The following ENPP6 variants were observed in gnomAD, a reference collection of about 807,000 sequenced individuals.
ENPP6 encodes the protein glycerophosphocholine cholinephosphodiesterase ENPP6.
ENPP6 carries 32 observed loss-of-function variants against 42.0 expected under a neutral mutation model. The ratio of observed to expected loss-of-function variants is 0.76; its 90% CI spans 0.58 to 1.02. ENPP6 has a LOEUF of 1.02. Among genes scored for constraint, ENPP6 ranks in the 50% least tolerant of loss-of-function variants. The pLI, the probability that ENPP6 is intolerant of heterozygous loss-of-function variation, is 0.00. For missense variants in ENPP6, 552 were observed against 566.8 expected (o/e 0.97, Z 0.27); for synonymous variants, 213 against 216.0 (o/e 0.99, Z 0.12).
At chr4:184,104,017 C>CT (rs34970688) in intron 6 of ENPP6, among the ~76,000 whole-genome samples, 56,427 of 148,166 alleles carry the variant, frequency 0.38, 10,943 homozygotes, top group Middle Eastern at 0.47. Flanking sequence ...CTTTTCTTTT[C>CT]TTTTCTTTTT....
At chr4:184,214,302 A>G (rs896355784) in intron 1 of ENPP6, among the ~76,000 whole-genome samples, 1 of 152,166 alleles carries the variant, frequency 6.6e-6, no homozygotes, top group African/African-American at 2.4e-5. Flanking sequence ...ATTCATCTTC[A>G]TGATCATGAT....
intron 2 of ENPP6, among the ~76,000 whole-genome samples, chr4:184,143,659 G>A (rs1306498743): frequency 6.6e-6 from 1 of 152,226 alleles, no homozygotes; most frequent in African/African-American, 2.4e-5. Context: ...AATTCTCTGG[G>A]CAATCTGGAA....
intron 1 of ENPP6, among the ~76,000 whole-genome samples, chr4:184,188,447 G>A (rs535185382): frequency 6.6e-6 from 1 of 152,098 alleles, no homozygotes; most frequent in East Asian, 1.9e-4. Context: ...CCAAATTGAC[G>A]ATCTGGGGTC....
At chr4:184,177,800 A>G (rs1446822298) in intron 1 of ENPP6, among the ~76,000 whole-genome samples, 1 of 152,218 alleles carries the variant, frequency 6.6e-6, no homozygotes, top group Non-Finnish European at 1.5e-5. Flanking sequence ...CTGTTAAAAG[A>G]AAAACAGATA....
chr4:184,110,135 T>C (rs1736175157), intron 6 of ENPP6, among the ~76,000 whole-genome samples: 1 of 152,186 alleles, frequency 6.6e-6, no homozygotes, highest in African/African-American at 2.4e-5. Context: ...CCAGTCAGAA[T>C]GGTGCAGAGG....
chr4:184,206,568 T>A (rs955261691), intron 1 of ENPP6, among the ~76,000 whole-genome samples: 3 of 152,146 alleles, frequency 2.0e-5, no homozygotes, highest in African/African-American at 7.2e-5. Context: ...GAAGCTTGAA[T>A]TCTGCAGAAG....
chr4:184,133,651 A>C (rs1172680106), intron 2 of ENPP6, among the ~76,000 whole-genome samples: 2 of 150,634 alleles, frequency 1.3e-5, no homozygotes, highest in African/African-American at 2.4e-5. Flanking sequence ...AGGCACCCTT[A>C]CCATAGTCCT....
intron 2 of ENPP6, among the ~76,000 whole-genome samples, chr4:184,143,992 C>A (rs79923875): frequency 8.5e-5 from 13 of 152,178 alleles, no homozygotes; most frequent in African/African-American, 2.4e-4. Context: ...CCTCTAACAG[C>A]GCCCTGGATC....
At chr4:184,147,991 C>A (rs889272983) in intron 2 of ENPP6, among the ~76,000 whole-genome samples, 2 of 152,138 alleles carry the variant, frequency 1.3e-5, no homozygotes, top group Non-Finnish European at 2.9e-5. Context: ...TTACCCATCC[C>A]CTCGTGTCAC....
At chr4:184,093,910 T>C (rs576859673) in intron 7 of ENPP6, among the ~76,000 whole-genome samples, 1 of 152,262 alleles carries the variant, frequency 6.6e-6, no homozygotes, top group South Asian at 2.1e-4. Flanking sequence ...CATGGGGCCA[T>C]GCCTTGCTGT....
intron 1 of ENPP6, among the ~76,000 whole-genome samples, chr4:184,199,871 C>T (rs879719306): frequency 6.6e-6 from 1 of 152,224 alleles, no homozygotes; most frequent in African/African-American, 2.4e-5. Context: ...TCAGTGGGCC[C>T]TAAGAACCTC....
chr4:184,136,799 A>T (rs1736736383), intron 2 of ENPP6, among the ~76,000 whole-genome samples: 1 of 152,208 alleles, frequency 6.6e-6, no homozygotes, highest in Non-Finnish European at 1.5e-5. Flanking sequence ...TCTGAAATCC[A>T]TGATGCTCTT....
rs146750469 is a variant in ENPP6, at chr4:184,200,472, T to A, written c.241+17107A>T. Among the ~76,000 whole-genome samples the A allele has an allele frequency of 6.7e-3, 1,028 of 152,352 alleles. 13 individuals carry two copies. The highest frequency in any genetic ancestry group is 0.034 in the Middle Eastern group (10 of 294). ...CGAGTCACTGTGAACCTTTTTGGCT[T>A]CGGTTGGGGTTAGCACACCTAGTTG... On this transcript the variant is annotated intron_variant, in intron 1 of 7. Coordinates refer to ENST00000296741, the MANE Select transcript of ENPP6 (RefSeq NM_153343.4).
chr4:184,130,354 C>T (rs979032469), intron 2 of ENPP6, among the ~76,000 whole-genome samples: 1 of 149,804 alleles, frequency 6.7e-6, no homozygotes, highest in African/African-American at 2.5e-5. Context: ...GTCAGGAGAT[C>T]GAGACCATCC....
At chr4:184,157,965 G>T (rs1307658646) in intron 1 of ENPP6, among the ~76,000 whole-genome samples, 3 of 151,990 alleles carry the variant, frequency 2.0e-5, no homozygotes, top group Admixed American at 6.6e-5. Context: ...CTACTACTTA[G>T]ATTTCAATCA....
chr4:184,204,594 C>G (rs771704718), intron 1 of ENPP6, among the ~76,000 whole-genome samples: 1 of 152,232 alleles, frequency 6.6e-6, no homozygotes, highest in Non-Finnish European at 1.5e-5. Context: ...GTGCTGACCA[C>G]TGGTTCCTGG....
chr4:184,198,587 T>G (rs1197683625), intron 1 of ENPP6, among the ~76,000 whole-genome samples: 2 of 152,218 alleles, frequency 1.3e-5, no homozygotes, highest in African/African-American at 4.8e-5. Context: ...CAGTGCAGAC[T>G]GAGAAAACCA....
At chr4:184,214,592 C>T (rs980119827) in intron 1 of ENPP6, among the ~76,000 whole-genome samples, 1 of 152,106 alleles carries the variant, frequency 6.6e-6, no homozygotes, top group Admixed American at 6.5e-5. Flanking sequence ...AAATGCCCAT[C>T]AATGATAGAC....
intron 3 of ENPP6, among the ~76,000 whole-genome samples, chr4:184,120,601 C>T (rs778658567): frequency 6.6e-6 from 1 of 152,200 alleles, no homozygotes; most frequent in Non-Finnish European, 1.5e-5. Context: ...CACTGAACCA[C>T]GAATATCCTG....
Sources: allele counts gnomAD v4.1 joint callset (sites outside exome capture counted in the v4.1 genomes callset), GRCh38; gene constraint gnomAD v4.1.1; transcripts MANE v1.5; gene names NCBI Gene and HGNC (gene_info 2026-07-23, HGNC 2026-07-21).